Variants in CCSER1 observed in about 807,000 individuals in gnomAD.
CCSER1 encodes serine-rich coiled-coil domain-containing protein 1.
CCSER1 carries 41 observed loss-of-function variants against 82.0 expected under a neutral mutation model. The ratio of observed to expected loss-of-function variants is 0.50; its 90% CI spans 0.39 to 0.65. CCSER1 has a LOEUF of 0.65. Among genes scored for constraint, CCSER1 ranks in the 30% least tolerant of loss-of-function variants. The probability of loss-of-function intolerance (pLI) is 0.00; values close to 1 mark genes in which losing one functional copy is unlikely to be tolerated. For synonymous variants in CCSER1, 414 were observed against 383.9 expected, an observed-to-expected ratio of 1.08 and a Z score of -0.92; for missense variants, 1,119 against 1,064.2, an observed-to-expected ratio of 1.05 and a Z score of -0.72.
intron 8 of CCSER1, among the ~76,000 whole-genome samples, chr4:90,855,292 T>A (rs983053838): frequency 6.6e-6 from 1 of 152,152 alleles, no homozygotes; most frequent in African/African-American, 2.4e-5. Context: ...CTGCTCACAC[T>A]ACCATTAGTG....
In CCSER1 at chr4:91,575,016, A is replaced by G. The variant is rs376883283; in HGVS notation, c.2218-23556A>G. On this transcript the variant is annotated intron_variant, in intron 10 of 10. Coordinates refer to ENST00000509176, the MANE Select transcript of CCSER1 (RefSeq NM_001145065.2). ...CAGTATTGTAGGGATAAAAAGAGGTACATAGGTCAATGAAAGAGAATAGAA... is the reference window on the plus strand; with the variant it reads ...CAGTATTGTAGGGATAAAAAGAGGTGCATAGGTCAATGAAAGAGAATAGAA... Among the ~76,000 whole-genome samples, 22 of 152,222 alleles carry G rather than the reference A, an allele frequency of 1.4e-4. No individual in the cohort carries two copies. The East Asian group carries it at 3.3e-3, about 23-fold the overall frequency.
chr4:90,162,452 A>G (rs1283968598), intron 1 of CCSER1, among the ~76,000 whole-genome samples: 1 of 152,168 alleles, frequency 6.6e-6, no homozygotes, highest in Non-Finnish European at 1.5e-5. Context: ...TATAAAAATT[A>G]GTCTTAATGC....
rs11722536 is a variant in CCSER1 at position 90,915,197 on chromosome 4, G to A, written c.2095-8173G>A. Among the ~76,000 whole-genome samples, 758 of 152,192 alleles carry A rather than the reference G, an allele frequency of 5.0e-3. 13 individuals are homozygous for A. The highest frequency in any genetic ancestry group is 0.045 in the East Asian group (235 of 5,174). ...AGCATCATCCTGATACCAAAGCCTG[G>A]CAGAGACACAACAGAAAAAGAGAAT... On this transcript the variant is annotated intron_variant, in intron 8 of 10. Transcript: ENST00000509176.
At chr4:90,266,956 G>T (rs1004712176) in intron 1 of CCSER1, among the ~76,000 whole-genome samples, 6 of 151,736 alleles carry the variant, frequency 4.0e-5, no homozygotes, top group African/African-American at 1.5e-4. Context: ...GAGAAAAGCA[G>T]AGATATAAGA....
intron 10 of CCSER1, among the ~76,000 whole-genome samples, chr4:91,332,738 G>T (rs1747043193): frequency 6.6e-6 from 1 of 151,944 alleles, no homozygotes; most frequent in Non-Finnish European, 1.5e-5. Flanking sequence ...AAGGAGCTTT[G>T]TATACTGCTA....
intron 10 of CCSER1, among the ~76,000 whole-genome samples, chr4:91,585,328 T>A (rs1262316218): frequency 6.6e-6 from 1 of 151,438 alleles, no homozygotes; most frequent in Non-Finnish European, 1.5e-5. Context: ...CCTTCTCTCT[T>A]TTCCCCATTT....
At chr4:91,092,646 G>A (rs912103941) in intron 10 of CCSER1, among the ~76,000 whole-genome samples, 4 of 152,314 alleles carry the variant, frequency 2.6e-5, no homozygotes, top group South Asian at 4.1e-4. Flanking sequence ...TTCATGTACA[G>A]CCAGCATGAC....
intron 8 of CCSER1, among the ~76,000 whole-genome samples, chr4:90,857,699 C>G (rs1158762261): frequency 6.6e-6 from 1 of 151,966 alleles, no homozygotes; most frequent in South Asian, 2.1e-4. Flanking sequence ...ATATATTTTT[C>G]TTTATATTTC....
In CCSER1 at chr4:91,579,876, A is replaced by G. The variant is rs190427506; in HGVS notation, c.2218-18696A>G. On this transcript the variant is annotated intron_variant, in intron 10 of 10. Transcript: ENST00000509176. ...AAAATAACAAATTTTAACACATAATAAATGGCAAGAATAAATATCTATGTT... is the reference window on the plus strand; with the variant it reads ...AAAATAACAAATTTTAACACATAATGAATGGCAAGAATAAATATCTATGTT... Among the ~76,000 whole-genome samples, 261 of 151,970 alleles carry G rather than the reference A, an allele frequency of 1.7e-3. 1 individual carries two copies. The highest frequency in any genetic ancestry group is 6.0e-3 in the African/African-American group (248 of 41,526).
At chr4:91,152,878 C>T (rs975346179) in intron 10 of CCSER1, among the ~76,000 whole-genome samples, 6 of 151,914 alleles carry the variant, frequency 3.9e-5, no homozygotes, top group East Asian at 1.9e-4. Context: ...GAGTTTCTGC[C>T]GAGGGATCCG....
chr4:90,992,965 T>C (rs1241335211), intron 9 of CCSER1, among the ~76,000 whole-genome samples: 1 of 152,014 alleles, frequency 6.6e-6, no homozygotes, highest in Non-Finnish European at 1.5e-5. Flanking sequence ...CACACCGGCA[T>C]GAACAACTGG....
chr4:90,848,158 G>A (rs1010331696), intron 8 of CCSER1, among the ~76,000 whole-genome samples: 10 of 152,096 alleles, frequency 6.6e-5, no homozygotes, highest in Non-Finnish European at 1.5e-4. Context: ...ACTATGTAAG[G>A]GGGTAGGAAT....
Position 90,312,956 on chromosome 4 carries a change from T to C in CCSER1, c.1418T>C (p.Met473Thr). 1 of 1,597,408 alleles carries C rather than the reference T, an allele frequency of 6.3e-7. No individual in the cohort carries two copies. Residue 473 changes from methionine to threonine, a missense_variant, in exon 3 of 11, where the codon ATG (methionine) becomes ACG (threonine). By Grantham distance (81) the Met-to-Thr change is moderately conservative. Transcript: ENST00000509176. ...GAAGGCACTGCAGGGAGTAGCAGAA[T>C]GATTTTGAAACCGAAAGATGGAAAT... The part of the protein sequence containing the change: ...SSEGTAGSSR[M>T]ILKPKDGNIE...
chr4:91,270,819 G>C (rs559835032), intron 10 of CCSER1, among the ~76,000 whole-genome samples: 6 of 152,268 alleles, frequency 3.9e-5, no homozygotes, highest in Non-Finnish European at 7.3e-5. Context: ...ATATGCTTCA[G>C]ATAATTTTGT....
chr4:91,146,540 G>A (rs138877328), intron 10 of CCSER1, among the ~76,000 whole-genome samples: 104 of 151,052 alleles, frequency 6.9e-4, no homozygotes, highest in Non-Finnish European at 1.2e-3. Context: ...TTTCTCATCT[G>A]AGGGTGCCAG....
chr4:90,913,475 A>G (rs557712617), intron 8 of CCSER1, among the ~76,000 whole-genome samples: 46 of 152,350 alleles, frequency 3.0e-4, no homozygotes, highest in African/African-American at 1.0e-3. Flanking sequence ...CTGCCCTACG[A>G]GAGCTCCTGA....
At chr4:90,942,414 C>G (rs193230663) in intron 9 of CCSER1, among the ~76,000 whole-genome samples, 1 of 152,140 alleles carries the variant, frequency 6.6e-6, no homozygotes, top group Non-Finnish European at 1.5e-5. Flanking sequence ...TTGGTGTGCT[C>G]TTGCCTCTCT....
chr4:91,098,818 G>A (rs1355385489), intron 10 of CCSER1, among the ~76,000 whole-genome samples: 1 of 152,136 alleles, frequency 6.6e-6, no homozygotes, highest in Non-Finnish European at 1.5e-5. Flanking sequence ...TGGGATTACA[G>A]GCGTGAGCCA....
At chr4:90,691,247 C>T (rs539641308) in intron 6 of CCSER1, among the ~76,000 whole-genome samples, 46 of 151,928 alleles carry the variant, frequency 3.0e-4, no homozygotes, top group African/African-American at 1.0e-3. Context: ...ATACATAAAA[C>T]CTCTAAGTTT....
Sources: allele counts gnomAD v4.1 joint callset (sites outside exome capture counted in the v4.1 genomes callset), GRCh38; gene constraint gnomAD v4.1.1; transcripts MANE v1.5; gene names NCBI Gene and HGNC (gene_info 2026-07-23, HGNC 2026-07-21).